RARS2: variants seen among roughly 807,000 people sequenced by gnomAD.
The protein encoded by RARS2 is probable arginine--tRNA ligase, mitochondrial.
RARS2 carries 67 observed loss-of-function variants against 88.5 expected under a neutral mutation model. The ratio of observed to expected loss-of-function variants is 0.76; its 90% CI spans 0.62 to 0.93. RARS2 has a LOEUF of 0.93. Ranked by LOEUF, RARS2 falls within the 40% of genes least tolerant of loss-of-function variation. The pLI is 0.00. For missense variants in RARS2, 664 were observed against 684.2 expected (o/e 0.97, Z 0.33); for synonymous variants, 239 against 230.3 (o/e 1.04, Z -0.34).
At chr6:87,561,792 G>A (rs866627225) in intron 4 of RARS2, among the ~76,000 whole-genome samples, 5 of 152,148 alleles carry the variant, frequency 3.3e-5, no homozygotes, top group Non-Finnish European at 5.9e-5. Context: ...GCTGCAATAC[G>A]GAAGAATTCC....
intron 5 of RARS2, among the ~76,000 whole-genome samples, chr6:87,553,596 T>G (rs1481109531): frequency 6.6e-6 from 1 of 152,204 alleles, no homozygotes; most frequent in Non-Finnish European, 1.5e-5. Context: ...AAAACTTTAT[T>G]TGCAAAAACA....
chr6:87,529,065 T>C (rs1447086671), intron 10 of RARS2, among the ~76,000 whole-genome samples: 1 of 152,128 alleles, frequency 6.6e-6, no homozygotes, highest in East Asian at 1.9e-4. Context: ...AGGAGGGATA[T>C]GCTAACACCA....
intron 6 of RARS2, among the ~76,000 whole-genome samples, chr6:87,547,268 G>T (rs1438939330): frequency 1.3e-5 from 2 of 151,910 alleles, no homozygotes; most frequent in Non-Finnish European, 2.9e-5. Flanking sequence ...TTTTTATACT[G>T]TATATTTCTT....
intron 14 of RARS2, chr6:87,519,206 GTGTA>G (rs1042481070): frequency 5.9e-5 from 16 of 272,162 alleles, no homozygotes; most frequent in African/African-American, 2.8e-4. Flanking sequence ...GTGTGTGTGT[GTGTA>G]TATATATATA....
At chr6:87,528,883 CATAGGTAAGT>C (rs1459022396) in intron 10 of RARS2, among the ~76,000 whole-genome samples, 1 of 152,110 alleles carries the variant, frequency 6.6e-6, no homozygotes, top group African/African-American at 2.4e-5. Flanking sequence ...ATGTTCTCAT[CATAGGTAAGT>C]ACGTAAGGTG....
chr6:87,552,151 T>C (rs1784540095), intron 5 of RARS2, among the ~76,000 whole-genome samples: 1 of 152,226 alleles, frequency 6.6e-6, no homozygotes, highest in South Asian at 2.1e-4. Context: ...TTACTTAATC[T>C]AGTATTATCA....
At chr6:87,588,728 C>CTCTTTGCTTTTCCTATCAA (rs1775971306) in intron 1 of RARS2, among the ~76,000 whole-genome samples, 1 of 152,188 alleles carries the variant, frequency 6.6e-6, no homozygotes, top group Non-Finnish European at 1.5e-5. Flanking sequence ...GCTTCTTGCA[C>CTCTTTGCTTTTCCTATCAA]TCTTTGCTTT....
intron 1 of RARS2, among the ~76,000 whole-genome samples, chr6:87,577,761 T>C (rs577617675): frequency 1.6e-4 from 25 of 152,346 alleles, no homozygotes; most frequent in Non-Finnish European, 2.6e-4. Context: ...AAGAAAATTA[T>C]ATCATTTGTG....
intron 4 of RARS2, among the ~76,000 whole-genome samples, chr6:87,558,382 T>C (rs1250189458): frequency 6.6e-6 from 1 of 152,130 alleles, no homozygotes; most frequent in Non-Finnish European, 1.5e-5. Context: ...TCCCTCAACC[T>C]CTGTAATCAA....
At chr6:87,559,463 C>CCAAAAA (rs1394106691) in intron 4 of RARS2, among the ~76,000 whole-genome samples, 4 of 93,282 alleles carry the variant, frequency 4.3e-5, no homozygotes, top group South Asian at 3.7e-4. Context: ...AACTCTGTCT[C>CCAAAAA]AAAAAAAAAA....
chr6:87,526,646 A>G lies in RARS2; in HGVS notation c.879-1994T>C, dbSNP rs1439531127. ...GGAATAGAATAGAGAGCCTAGATAC[A>G]AATTCACACATTTATGGTCAACTGA... On this transcript the variant is annotated intron_variant, in intron 10 of 19. Transcript: ENST00000369536. Among the ~76,000 whole-genome samples the G allele has an allele frequency of 2.6e-5, 4 of 151,382 alleles. No homozygotes were observed. In the East Asian group the frequency reaches 5.8e-4, roughly 22 times the overall value.
At position 87,562,707 on chromosome 6, in the gene RARS2, T is replaced by C; in HGVS notation, c.292A>G (p.Thr98Ala). The change falls in exon 4 of 20, where the codon ACA becomes GCA. Residue 98 changes from threonine (T) to alanine (A), a missense_variant. Transcript: ENST00000369536. ...GGATATTAACTTATTCTTACCTTTG[T>C]TAAGAGCTCTCTGTTTATTTTGAAA... ...VNFKINRELL[T>A]KTVLQQVIED... is the part of the protein sequence containing the mutation. 5 of 1,603,426 alleles carry C rather than the reference T, an allele frequency of 3.1e-6. No homozygotes were observed. The highest frequency in any genetic ancestry group is 4.3e-6 in the Non-Finnish European group (5 of 1,170,260).
At chr6:87,531,003 G>C in intron 8 of RARS2, 61 bp from the exon 9 acceptor site, 1 of 1,600,270 alleles carries the variant, frequency 6.2e-7, no homozygotes, top group Non-Finnish European at 8.5e-7. Context: ...CTCTAACACG[G>C]AAAGAAAGCA....
chr6:87,587,236 A>C (rs1775445574), intron 1 of RARS2, among the ~76,000 whole-genome samples: 1 of 152,224 alleles, frequency 6.6e-6, no homozygotes, highest in African/African-American at 2.4e-5. Flanking sequence ...TTTCCAATTG[A>C]GCTCCAATGA....
At chr6:87,580,591 C>A (rs1261563747) in intron 1 of RARS2, among the ~76,000 whole-genome samples, 44 of 136,684 alleles carry the variant, frequency 3.2e-4, no homozygotes, top group Middle Eastern at 3.6e-3. Flanking sequence ...AACCCTGTCT[C>A]AAAAAAAAAA....
intron 5 of RARS2, among the ~76,000 whole-genome samples, chr6:87,554,460 TAAA>T (rs1005143611): frequency 6.6e-6 from 1 of 152,140 alleles, no homozygotes; most frequent in Non-Finnish European, 1.5e-5. Context: ...TCAAATTACT[TAAA>T]AAAATTTTTT....
chr6:87,517,592 CTACTA>C (rs1772231337), intron 17 of RARS2, among the ~76,000 whole-genome samples: 1 of 152,184 alleles, frequency 6.6e-6, no homozygotes, highest in Non-Finnish European at 1.5e-5. Flanking sequence ...GAACCACTGA[CTACTA>C]TATGGCAATC....
intron 4 of RARS2, among the ~76,000 whole-genome samples, chr6:87,556,969 T>A (rs1456255200): frequency 1.3e-5 from 2 of 151,748 alleles, no homozygotes; most frequent in Admixed American, 1.3e-4. Flanking sequence ...GCATCTTGAG[T>A]CTTAAAAATG....
intron 12 of RARS2, among the ~76,000 whole-genome samples, chr6:87,521,070 T>C (rs1379690697): frequency 1.3e-5 from 2 of 152,348 alleles, no homozygotes; most frequent in East Asian, 1.9e-4. Context: ...AAAAGTACTA[T>C]GGTTATGTAC....
Sources: allele counts gnomAD v4.1 joint callset (sites outside exome capture counted in the v4.1 genomes callset), GRCh38; gene constraint gnomAD v4.1.1; transcripts MANE v1.5; gene names NCBI Gene and HGNC (gene_info 2026-07-23, HGNC 2026-07-21).